XKR9: variants seen among roughly 807,000 people sequenced by gnomAD.
XKR9 encodes the protein XK related 9.
Under a neutral mutation model 32.0 loss-of-function variants are expected in XKR9, and 32 were observed. The ratio of observed to expected loss-of-function variants is 1.00; its 90% CI spans 0.76 to 1.34. The LOEUF (loss-of-function observed/expected upper bound fraction) is 1.34, where lower values mean the gene tolerates loss of function less well. Among genes scored for constraint, XKR9 ranks in the 40% most tolerant of loss-of-function variants. The pLI is 0.00. For missense variants in XKR9, 546 were observed against 429.7 expected (o/e 1.27, Z -2.39); for synonymous variants, 168 against 143.4 (o/e 1.17, Z -1.22).
intron 4 of XKR9, among the ~76,000 whole-genome samples, chr8:70,710,297 G>A (rs187462850): frequency 6.6e-6 from 1 of 152,156 alleles, no homozygotes; most frequent in East Asian, 1.9e-4. Context: ...AACTCAAGAT[G>A]GATTAAAGAC....
the XKR9 span, among the ~76,000 whole-genome samples, chr8:70,918,977 C>T: frequency 6.6e-6 from 1 of 151,754 alleles, no homozygotes. Flanking sequence ...CAGGGTTTCA[C>T]TGTGTTTGCC....
the XKR9 span, among the ~76,000 whole-genome samples, chr8:70,973,379 C>CT: frequency 3.3e-5 from 5 of 151,998 alleles, no homozygotes; most frequent in African/African-American, 1.2e-4. Flanking sequence ...TGCTAGTGCT[C>CT]TATCAATTTT....
chr8:71,053,943 A>T, the XKR9 span, among the ~76,000 whole-genome samples: 1 of 152,166 alleles, frequency 6.6e-6, no homozygotes, highest in Non-Finnish European at 1.5e-5. Context: ...TCACATAGAG[A>T]GCTTGTTTTC....
rs757755353 is a variant in XKR9, at chr8:70,681,014, G to A, written c.-45G>A. The A allele has an allele frequency of 6.5e-7, 1 of 1,547,826 alleles. No homozygotes were observed. Among genetic ancestry groups the A allele is most frequent in the Non-Finnish European group, 8.7e-7 (1 of 1,149,806 alleles). ...TTTGTTTGGCTTTTTTTCCCTTTTT[G>A]TGAGGGAGAAAAAAGTAGATAACGA... On this transcript the variant is annotated 5_prime_UTR_variant, in exon 3 of 5. The change creates a new upstream start codon in the 5' untranslated region. Coordinates refer to ENST00000408926, the MANE Select transcript of XKR9 (RefSeq NM_001011720.2).
chr8:71,028,879 A>G, the XKR9 span, among the ~76,000 whole-genome samples: 1 of 151,534 alleles, frequency 6.6e-6, no homozygotes, highest in Admixed American at 6.6e-5. Flanking sequence ...GGCTAAGAGT[A>G]TATTCTAGAA....
chr8:70,694,107 TC>T (rs75548454), intron 3 of XKR9, among the ~76,000 whole-genome samples: 54,433 of 151,950 alleles, frequency 0.36, 10,146 homozygotes, highest in East Asian at 0.66. Flanking sequence ...CCTAGACACC[TC>T]AAATTTTCCA....
intron 2 of XKR9, among the ~76,000 whole-genome samples, chr8:70,781,529 C>T: frequency 6.8e-6 from 1 of 147,854 alleles, no homozygotes; most frequent in African/African-American, 2.5e-5. Flanking sequence ...TATTATTTTT[C>T]TATGAGTGAG....
At chr8:70,781,360 T>A (rs750829443) in intron 2 of XKR9, among the ~76,000 whole-genome samples, 1 of 152,100 alleles carries the variant, frequency 6.6e-6, no homozygotes, top group South Asian at 2.1e-4. Context: ...TTTTCTCTGA[T>A]TTTGTGGGTT....
chr8:70,881,318 C>A, the XKR9 span, among the ~76,000 whole-genome samples: 1 of 152,100 alleles, frequency 6.6e-6, no homozygotes, highest in South Asian at 2.1e-4. Flanking sequence ...AAACTATGAT[C>A]AGAGTAAACA....
At chr8:70,847,102 G>T in the XKR9 span, among the ~76,000 whole-genome samples, 2 of 151,786 alleles carry the variant, frequency 1.3e-5, no homozygotes, top group Non-Finnish European at 2.9e-5. Flanking sequence ...CACAAAAGAA[G>T]TCTCAAAAAT....
chr8:70,763,603 T>C (rs140718406), intron 2 of XKR9, among the ~76,000 whole-genome samples: 1,606 of 152,326 alleles, frequency 0.011, 27 homozygotes, highest in African/African-American at 0.037. Context: ...TGTTTGAACT[T>C]CTTGGCTTAA....
At chr8:70,757,221 C>T (rs1487524487) in intron 2 of XKR9, among the ~76,000 whole-genome samples, 1 of 152,084 alleles carries the variant, frequency 6.6e-6, no homozygotes, top group Non-Finnish European at 1.5e-5. Context: ...TTTCTCCTCT[C>T]CTTCTGATAC....
chr8:70,909,945 T>G, the XKR9 span, among the ~76,000 whole-genome samples: 1 of 151,930 alleles, frequency 6.6e-6, no homozygotes, highest in Non-Finnish European at 1.5e-5. Context: ...TGACCTCAAG[T>G]CATCTACCTG....
the XKR9 span, among the ~76,000 whole-genome samples, chr8:70,829,196 G>A: frequency 7.9e-5 from 12 of 152,188 alleles, no homozygotes; most frequent in African/African-American, 2.4e-4. Flanking sequence ...GTGACATTTT[G>A]TGAATTAATC....
intron 2 of XKR9, among the ~76,000 whole-genome samples, chr8:70,787,848 T>G (rs915711424): frequency 6.6e-6 from 1 of 152,044 alleles, no homozygotes; most frequent in Admixed American, 6.6e-5. Context: ...TAATGATTTT[T>G]AGTGAAAGGA....
chr8:70,990,655 C>T, the XKR9 span, among the ~76,000 whole-genome samples: 2 of 151,576 alleles, frequency 1.3e-5, no homozygotes, highest in Admixed American at 1.3e-4. Context: ...AGTTTCCGTT[C>T]CAATCCTTTA....
the XKR9 span, among the ~76,000 whole-genome samples, chr8:70,795,713 T>A: frequency 2.0e-5 from 3 of 152,200 alleles, no homozygotes; most frequent in Non-Finnish European, 4.4e-5. Flanking sequence ...TGGTTTTGAT[T>A]TGCATTTCTC....
the XKR9 span, among the ~76,000 whole-genome samples, chr8:70,930,147 G>A: frequency 6.6e-6 from 1 of 152,166 alleles, no homozygotes; most frequent in Non-Finnish European, 1.5e-5. Flanking sequence ...CTTAAAAAAT[G>A]TAGAAACCTG....
chr8:70,892,694 G>A, the XKR9 span, among the ~76,000 whole-genome samples: 2 of 152,158 alleles, frequency 1.3e-5, no homozygotes, highest in African/African-American at 4.8e-5. Context: ...TTTCTGTGGA[G>A]AAGTCTGCTG....
Sources: gnomAD v4.1 joint callset for allele counts (sites outside exome capture counted in the v4.1 genomes callset) on GRCh38, gnomAD v4.1.1 for gene constraint, MANE v1.5 for transcripts, NCBI Gene and HGNC (gene_info 2026-07-23, HGNC 2026-07-21) for gene names.